ADAMTSL1: variants seen among roughly 807,000 people sequenced by gnomAD.
The protein encoded by ADAMTSL1 is ADAMTS like 1, also known as ADAMTS-like protein 1.
Under a neutral mutation model 201.8 loss-of-function variants are expected in ADAMTSL1, and 126 were observed. That is an observed-to-expected ratio of 0.62 (90% CI 0.54 to 0.72). The LOEUF is 0.72. ADAMTSL1 is among the 30% of genes least tolerant of loss of function. The pLI is 0.00. For missense variants in ADAMTSL1, 2,679 were observed against 2,277.8 expected, an observed-to-expected ratio of 1.18 and a Z score of -3.59; for synonymous variants, 1,121 against 903.4, an observed-to-expected ratio of 1.24 and a Z score of -4.32.
chr9:18,093,590 A>C (rs560807892), intron 1 of ADAMTSL1, among the ~76,000 whole-genome samples: 1 of 152,192 alleles, frequency 6.6e-6, no homozygotes. Flanking sequence ...CTGAGAGGTT[A>C]TTAAGAAAAA....
At chr9:18,560,889 T>A (rs908966442) in intron 3 of ADAMTSL1, among the ~76,000 whole-genome samples, 1 of 150,040 alleles carries the variant, frequency 6.7e-6, no homozygotes, top group Non-Finnish European at 1.5e-5. Flanking sequence ...ATTTGATTCT[T>A]CTCTCTTTTT....
rs951619457 is a variant in ADAMTSL1 at position 18,647,251 on chromosome 9, T to A, written c.834+7840T>A. Among the ~76,000 whole-genome samples the A allele has an allele frequency of 3.5e-4, 54 of 152,194 alleles. 3 individuals carry two copies. Among genetic ancestry groups the A allele is most frequent in the Non-Finnish European group, 4.4e-5 (3 of 68,036 alleles). ...TGGTGATATCCCCTTTATCATTTTTTATTGCATCTATTTGATTCTTCTCTC... is the reference window on the plus strand; with the variant it reads ...TGGTGATATCCCCTTTATCATTTTTAATTGCATCTATTTGATTCTTCTCTC... On this transcript the variant is annotated intron_variant, in intron 7 of 28. Coordinates refer to ENST00000380548, the MANE Select transcript of ADAMTSL1 (RefSeq NM_001040272.6).
At chr9:18,451,940 C>T (rs914434594) in intron 2 of ADAMTSL1, among the ~76,000 whole-genome samples, 3 of 152,140 alleles carry the variant, frequency 2.0e-5, no homozygotes, top group African/African-American at 4.8e-5. Flanking sequence ...GACCGAGTTT[C>T]GCTTTTGTTT....
At chr9:18,703,694 G>C (rs991026954) in intron 13 of ADAMTSL1, among the ~76,000 whole-genome samples, 1 of 41,138 alleles carries the variant, frequency 2.4e-5, no homozygotes, top group Non-Finnish European at 5.3e-5. Context: ...ACGTGCATGC[G>C]CACATACATA....
At chr9:18,034,361 G>T (rs1403077320) in intron 1 of ADAMTSL1, among the ~76,000 whole-genome samples, 15 of 151,846 alleles carry the variant, frequency 9.9e-5, no homozygotes, top group Admixed American at 9.8e-4. Context: ...ACTCTCTAAA[G>T]CCACCCTCCT....
intron 20 of ADAMTSL1, among the ~76,000 whole-genome samples, chr9:18,803,251 A>C (rs1165405059): frequency 6.6e-6 from 1 of 152,184 alleles, no homozygotes; most frequent in Non-Finnish European, 1.5e-5. Context: ...TGTGAAACTT[A>C]GGTCTATGGT....
intron 2 of ADAMTSL1, among the ~76,000 whole-genome samples, chr9:18,255,705 A>G (rs752877469): frequency 3.3e-5 from 5 of 152,148 alleles, no homozygotes; most frequent in Non-Finnish European, 7.4e-5. Context: ...TTGTCTTTTC[A>G]TATGCTGTTA....
chr9:18,063,951 C>G (rs74360953), intron 1 of ADAMTSL1, among the ~76,000 whole-genome samples: 6,067 of 152,164 alleles, frequency 0.04, 354 homozygotes, highest in African/African-American at 0.13. Context: ...AATCAACAAC[C>G]ACAGGACTCA....
intron 4 of ADAMTSL1, among the ~76,000 whole-genome samples, chr9:18,583,600 T>C (rs1399955388): frequency 6.6e-6 from 1 of 152,138 alleles, no homozygotes; most frequent in Non-Finnish European, 1.5e-5. Flanking sequence ...AGACGCAGAA[T>C]GGTAGATCCA....
intron 2 of ADAMTSL1, among the ~76,000 whole-genome samples, chr9:18,200,098 A>C (rs988639368): frequency 6.6e-6 from 1 of 152,172 alleles, no homozygotes; most frequent in East Asian, 1.9e-4. Context: ...AAACAACTCA[A>C]GTAAACTTCA....
intron 23 of ADAMTSL1, among the ~76,000 whole-genome samples, chr9:18,833,461 G>A (rs1004333909): frequency 4.3e-4 from 66 of 152,270 alleles, no homozygotes; most frequent in African/African-American, 1.4e-3. Context: ...AATCAGTGAC[G>A]TTGAGTTTTT....
intron 1 of ADAMTSL1, among the ~76,000 whole-genome samples, chr9:18,495,407 C>A (rs1186892595): frequency 2.0e-5 from 3 of 152,068 alleles, no homozygotes; most frequent in Non-Finnish European, 2.9e-5. Context: ...AATAGTAAAC[C>A]TGAGTAAGCA....
At chr9:18,644,424 ATATGCACAATGTGCAGGTTAG>A (rs1564112891) in intron 7 of ADAMTSL1, among the ~76,000 whole-genome samples, 2 of 151,880 alleles carry the variant, frequency 1.3e-5, no homozygotes, top group Non-Finnish European at 2.9e-5. Flanking sequence ...TTTAGGGTAC[ATATGCACAATGTGCAGGTTAG>A]TTACATATGT....
At chr9:18,197,332 G>C (rs1450923666) in intron 2 of ADAMTSL1, among the ~76,000 whole-genome samples, 1 of 151,764 alleles carries the variant, frequency 6.6e-6, no homozygotes, top group Admixed American at 6.6e-5. Context: ...TCTTCCATTT[G>C]TTTGTATCCT....
chr9:18,622,318 ACCTGCCGGCT>A lies in ADAMTSL1; in HGVS notation c.551_560del (p.Thr184ArgfsTer33). On this transcript the variant is annotated frameshift_variant, in exon 5 of 29. Transcript: ENST00000380548. LOFTEE classifies it high-confidence loss of function. ...TGGGGTCTGCAACGGAGATGGGTCC[ACCTGCCGGCT>A]GGTCCGAGGGCAGTATAAATCCCAG... 6.2e-7 allele frequency: 1 copy of A among 1,614,068 alleles called. No homozygotes were observed. The highest frequency in any genetic ancestry group is 8.5e-7 in the Non-Finnish European group (1 of 1,179,960).
At chr9:18,093,637 T>G (rs1824120012) in intron 1 of ADAMTSL1, among the ~76,000 whole-genome samples, 1 of 152,138 alleles carries the variant, frequency 6.6e-6, no homozygotes, top group Admixed American at 6.6e-5. Context: ...GACTAACAAA[T>G]GTAACTATAA....
intron 24 of ADAMTSL1, 109 bp from the exon 25 acceptor site, chr9:18,889,459 A>C (rs886379026): frequency 1.7e-6 from 2 of 1,206,586 alleles, no homozygotes; most frequent in Middle Eastern, 2.0e-4. Flanking sequence ...CCTCTCCTTC[A>C]GGCCACAAAT....
intron 4 of ADAMTSL1, among the ~76,000 whole-genome samples, chr9:18,619,164 GTTTA>G (rs1432853091): frequency 6.6e-6 from 1 of 152,198 alleles, no homozygotes; most frequent in East Asian, 1.9e-4. Context: ...TTGTATTTCT[GTTTA>G]TTTTTCTCTC....
intron 2 of ADAMTSL1, among the ~76,000 whole-genome samples, chr9:18,188,759 C>G (rs534277345): frequency 6.6e-6 from 1 of 152,260 alleles, no homozygotes; most frequent in Admixed American, 6.5e-5. Flanking sequence ...TTTATGGTTT[C>G]TTTACTTTAT....
Sources: gnomAD v4.1 joint callset for allele counts (sites outside exome capture counted in the v4.1 genomes callset) on GRCh38, gnomAD v4.1.1 for gene constraint, MANE v1.5 for transcripts, NCBI Gene and HGNC (gene_info 2026-07-23, HGNC 2026-07-21) for gene names.